PDE7A: variants seen among roughly 807,000 people sequenced by gnomAD.
The protein encoded by PDE7A is high affinity 3',5'-cyclic-AMP phosphodiesterase 7A.
PDE7A carries 39 observed loss-of-function variants against 64.3 expected under a neutral mutation model. The ratio of observed to expected loss-of-function variants is 0.61; its 90% CI spans 0.47 to 0.79. The LOEUF is 0.79. PDE7A is among the 30% of genes least tolerant of loss of function. The pLI is 0.00. For synonymous variants in PDE7A, 203 were observed against 206.8 expected (o/e 0.98, Z 0.16); for missense variants, 470 against 582.8 (o/e 0.81, Z 1.99).
intron 3 of PDE7A, among the ~76,000 whole-genome samples, chr8:65,764,865 T>C (rs1332700155): frequency 6.6e-6 from 1 of 152,148 alleles, no homozygotes; most frequent in African/African-American, 2.4e-5. Flanking sequence ...GTCATTGTAA[T>C]AAAGACAATA....
chr8:65,777,104 CAG>C (rs1184618845), intron 3 of PDE7A, among the ~76,000 whole-genome samples: 8 of 86,584 alleles, frequency 9.2e-5, no homozygotes, highest in Non-Finnish European at 1.5e-4. Context: ...TTTTTTGAGA[CAG>C]AGTTTTGTTC....
intron 1 of PDE7A, among the ~76,000 whole-genome samples, chr8:65,841,110 GCA>G (rs1030156753): frequency 6.6e-6 from 1 of 152,230 alleles, no homozygotes; most frequent in African/African-American, 2.4e-5. Flanking sequence ...AAACTGCTGG[GCA>G]CAGAGGGTGA....
chr8:65,795,961 C>T (rs1809831097), intron 1 of PDE7A, among the ~76,000 whole-genome samples: 1 of 150,046 alleles, frequency 6.7e-6, no homozygotes, highest in Admixed American at 6.6e-5. Flanking sequence ...AAAAAAGAAA[C>T]TAAAAAAATG....
intron 1 of PDE7A, among the ~76,000 whole-genome samples, chr8:65,823,846 C>A (rs930672201): frequency 9.2e-5 from 14 of 152,010 alleles, no homozygotes; most frequent in Non-Finnish European, 1.9e-4. Context: ...ATTACAGCAA[C>A]TAAAGACTTA....
At chr8:65,793,320 A>C (rs996444204) in intron 1 of PDE7A, among the ~76,000 whole-genome samples, 2 of 152,220 alleles carry the variant, frequency 1.3e-5, no homozygotes, top group Non-Finnish European at 2.9e-5. Flanking sequence ...GCAAATCTGC[A>C]TATAAAACAC....
chr8:65,734,745 A>G lies in PDE7A; in HGVS notation c.696+49T>C, dbSNP rs757018039. Reference sequence around the variant, plus strand: ...AGGAGAAGTATGTGAAAGTAAATCAAAAGGAATTTTCTTATGATTTTCACC... The same window carrying G: ...AGGAGAAGTATGTGAAAGTAAATCAGAAGGAATTTTCTTATGATTTTCACC... On this transcript the variant is annotated intron_variant, in intron 7 of 12. Transcript: ENST00000401827. 4 of 1,045,354 alleles carry G rather than the reference A, an allele frequency of 3.8e-6. No individual in the cohort carries two copies. In the Admixed American group the frequency reaches 5.3e-5, roughly 14 times the overall value. The allele number at this position is 1,045,354 out of a possible 1,614,324, so 64.8% of individuals were successfully genotyped here. A position where few individuals can be genotyped will look rare whatever the true frequency, so the allele number is the denominator to read the frequency against.
At chr8:65,798,202 A>AT (rs1357141539) in intron 1 of PDE7A, among the ~76,000 whole-genome samples, 425 of 24,546 alleles carry the variant, frequency 0.017, 4 homozygotes, top group African/African-American at 0.047. Flanking sequence ...ATATATATAT[A>AT]TATATTTTTT....
chr8:65,726,959 G>C lies in PDE7A; in HGVS notation c.836C>G (p.Ser279Ter). Residue 279 changes from serine to a stop codon, truncating the protein, a stop_gained, in exon 9 of 13, where the codon TCA becomes TGA. Coordinates refer to ENST00000401827, the MANE Select transcript of PDE7A (RefSeq NM_001242318.3). LOFTEE classifies it high-confidence loss of function. ...TCTCCAGTGGTGATTTTCCAGTACT[G>C]AGGTATTCTACAACAAAGGACGTTT... ...HYLATLYKNT[S>*]VLENHHWRSA... is the part of the protein sequence containing the mutation. The C allele has an allele frequency of 6.3e-7, 1 of 1,584,436 alleles. No homozygotes were observed. Among genetic ancestry groups the C allele is most frequent in the Middle Eastern group, 1.7e-4 (1 of 6,002 alleles).
At chr8:65,762,753 T>G (rs1808571334) in intron 3 of PDE7A, among the ~76,000 whole-genome samples, 2 of 152,208 alleles carry the variant, frequency 1.3e-5, no homozygotes, top group Non-Finnish European at 2.9e-5. Context: ...TTCATGACAG[T>G]ATAACTTCAT....
At chr8:65,768,196 C>G (rs754850295) in intron 3 of PDE7A, among the ~76,000 whole-genome samples, 37 of 152,206 alleles carry the variant, frequency 2.4e-4, no homozygotes, top group Non-Finnish European at 4.6e-4. Flanking sequence ...TTTTCCTACA[C>G]AGTGAGCATC....
chr8:65,806,713 T>G (rs1810124076), intron 1 of PDE7A, among the ~76,000 whole-genome samples: 1 of 152,244 alleles, frequency 6.6e-6, no homozygotes, highest in African/African-American at 2.4e-5. Flanking sequence ...TGCGCTGGCC[T>G]TCATCCAAGT....
chr8:65,841,511 A>C lies in PDE7A; in HGVS notation c.-3T>G, dbSNP rs757583768. The C allele has an allele frequency of 2.9e-5, 44 of 1,517,214 alleles. No homozygotes were observed. The highest frequency in any genetic ancestry group is 3.8e-5 in the Non-Finnish European group (43 of 1,140,396). 94.0% of individuals were successfully genotyped at this position (1,517,214 alleles called of 1,614,324 possible). A position where few individuals can be genotyped will look rare whatever the true frequency, so the allele number is the denominator to read the frequency against. On this transcript the variant is annotated 5_prime_UTR_variant, in exon 1 of 13. In the 5' UTR this introduces an upstream ATG that the reference lacks. Transcript: ENST00000401827. The stretch of plus-strand genomic sequence containing the variant: ...GGCAGCTGGTAACACACTTCCATTG[A>C]ATACGCCCGCCCTGCCTCCGCGCGG...
intron 1 of PDE7A, among the ~76,000 whole-genome samples, chr8:65,828,110 T>C (rs1166190537): frequency 2.6e-5 from 4 of 152,008 alleles, no homozygotes; most frequent in East Asian, 1.9e-4. Flanking sequence ...TTTCAAAAAA[T>C]AGCTTTGTCG....
intron 4 of PDE7A, 45 bp downstream of exon 4, chr8:65,747,607 A>C: frequency 7.5e-7 from 1 of 1,333,986 alleles, no homozygotes; most frequent in Non-Finnish European, 1.1e-6. Flanking sequence ...GGCCTTCAGT[A>C]AACTTATCAA....
At chr8:65,830,473 C>G (rs1350534734) in intron 1 of PDE7A, among the ~76,000 whole-genome samples, 1 of 151,894 alleles carries the variant, frequency 6.6e-6, no homozygotes, top group Non-Finnish European at 1.5e-5. Context: ...TGAGGTTTCT[C>G]AACACTTTCA....
intron 1 of PDE7A, among the ~76,000 whole-genome samples, chr8:65,792,702 T>C (rs79153888): frequency 0.036 from 5,491 of 152,314 alleles, 139 homozygotes; most frequent in African/African-American, 0.074. Context: ...TGTGCTCTCA[T>C]TGTTTTGAAT....
At chr8:65,774,304 A>G (rs1809195157) in intron 3 of PDE7A, among the ~76,000 whole-genome samples, 1 of 132,774 alleles carries the variant, frequency 7.5e-6, no homozygotes, top group African/African-American at 3.6e-5. Context: ...TTGTACTGAC[A>G]TTTATAGTGA....
At chr8:65,721,042 G>A (rs973787540) in intron 12 of PDE7A, among the ~76,000 whole-genome samples, 3 of 152,078 alleles carry the variant, frequency 2.0e-5, no homozygotes, top group East Asian at 1.9e-4. Context: ...CTGGCTCTAC[G>A]TTAACCTAAA....
At chr8:65,831,857 T>C (rs1025297735) in intron 1 of PDE7A, among the ~76,000 whole-genome samples, 1 of 152,212 alleles carries the variant, frequency 6.6e-6, no homozygotes, top group African/African-American at 2.4e-5. Flanking sequence ...ATTCCTAAAT[T>C]AATTTGGTTA....
Sources: gnomAD v4.1 joint callset for allele counts (sites outside exome capture counted in the v4.1 genomes callset) on GRCh38, gnomAD v4.1.1 for gene constraint, MANE v1.5 for transcripts, NCBI Gene and HGNC (gene_info 2026-07-23, HGNC 2026-07-21) for gene names.